NRXN1: variants seen among roughly 807,000 people sequenced by gnomAD.
NRXN1 encodes neurexin-1.
A neutral mutation model predicts 150.9 loss-of-function variants in NRXN1; 39 were observed. The ratio of observed to expected loss-of-function variants is 0.26; its 90% CI spans 0.20 to 0.34. The LOEUF (loss-of-function observed/expected upper bound fraction) is 0.34. Among genes scored for constraint, NRXN1 ranks in the 10% least tolerant of loss-of-function variants. The pLI is 1.00. For missense variants in NRXN1, 1,815 were observed against 1,949.9 expected (o/e 0.93, Z 1.30); for synonymous variants, 924 against 757.0 (o/e 1.22, Z -3.62).
At chr2:50,453,284 T>A (rs1172664726) in intron 17 of NRXN1, among the ~76,000 whole-genome samples, 2 of 152,148 alleles carry the variant, frequency 1.3e-5, no homozygotes, top group East Asian at 1.9e-4. Context: ...GTTCAGGAGG[T>A]CTGGGGTGAG....
Position 50,620,652 on chromosome 2 carries a change from T to C in NRXN1, c.1159-469A>G, listed in dbSNP as rs138099779. On this transcript the variant is annotated intron_variant, in intron 7 of 22. Coordinates refer to ENST00000401669, the MANE Select transcript of NRXN1 (RefSeq NM_001330078.2). The stretch of plus-strand genomic sequence containing the variant: ...CACTATTTGCACTATTGAGCAGCAA[T>C]TGTTCAGCATGCAAGTGCCTAAGTC... Among the ~76,000 whole-genome samples, 1,293 of 152,204 alleles carry C rather than the reference T, an allele frequency of 8.5e-3. 10 individuals are homozygous for C. Among genetic ancestry groups the C allele is most frequent in the Admixed American group, 0.013 (193 of 15,278 alleles).
chr2:50,960,195 G>A (rs930459622), intron 2 of NRXN1, among the ~76,000 whole-genome samples: 6 of 151,788 alleles, frequency 4.0e-5, no homozygotes, highest in South Asian at 2.1e-4. Context: ...AAAGGTTAGC[G>A]AGAAAGAGAA....
rs115255034 is a variant in NRXN1 at position 50,192,295 on chromosome 2, A to T, written c.3546+44494T>A. The stretch of plus-strand genomic sequence containing the variant: ...ATTATAGTATCATTTTCTTTAAAGC[A>T]TGAAATGCATCTTTTAAAATATTGA... On this transcript the variant is annotated intron_variant, in intron 18 of 22. Coordinates refer to ENST00000401669, the MANE Select transcript of NRXN1 (RefSeq NM_001330078.2). Among the ~76,000 whole-genome samples the T allele has an allele frequency of 8.2e-3, 1,244 of 152,296 alleles. 24 individuals carry two copies. Among genetic ancestry groups the T allele is most frequent in the African/African-American group, 0.028 (1,177 of 41,574 alleles).
intron 21 of NRXN1, among the ~76,000 whole-genome samples, chr2:49,990,378 T>G (rs780349066): frequency 5.3e-5 from 8 of 152,098 alleles, no homozygotes; most frequent in Non-Finnish European, 1.2e-4. Flanking sequence ...GGTGGCCAGA[T>G]GGAAGTTGTG....
At chr2:50,658,515 T>C (rs1686834280) in intron 5 of NRXN1, among the ~76,000 whole-genome samples, 2 of 151,756 alleles carry the variant, frequency 1.3e-5, no homozygotes, top group African/African-American at 4.8e-5. Context: ...TCTAGAAATA[T>C]AATTGTCACT....
intron 8 of NRXN1, among the ~76,000 whole-genome samples, chr2:50,572,385 T>C (rs1389629925): frequency 1.3e-5 from 2 of 152,250 alleles, no homozygotes; most frequent in Non-Finnish European, 2.9e-5. Context: ...TTTTTTAATG[T>C]CTGATCTAGC....
At chr2:50,215,566 T>C (rs183194673) in intron 18 of NRXN1, among the ~76,000 whole-genome samples, 3 of 152,042 alleles carry the variant, frequency 2.0e-5, no homozygotes, top group Non-Finnish European at 4.4e-5. Flanking sequence ...ATCCTTTTAT[T>C]AGTCATGCCA....
chr2:50,551,055 A>AGG (rs1202802757), intron 9 of NRXN1, among the ~76,000 whole-genome samples: 16 of 129,142 alleles, frequency 1.2e-4, no homozygotes, highest in East Asian at 7.3e-4. Context: ...GAAGAGGAAG[A>AGG]AGAAGAAGAA....
intron 21 of NRXN1, among the ~76,000 whole-genome samples, chr2:50,017,384 G>A (rs1352267590): frequency 6.6e-6 from 1 of 152,108 alleles, no homozygotes; most frequent in Non-Finnish European, 1.5e-5. Flanking sequence ...CATGAAAATG[G>A]CACTGTAACA....
At chr2:50,650,706 G>A (rs1685490024) in intron 5 of NRXN1, among the ~76,000 whole-genome samples, 2 of 151,912 alleles carry the variant, frequency 1.3e-5, no homozygotes, top group South Asian at 4.1e-4. Flanking sequence ...TAGAATACTT[G>A]CTAATACAAG....
chr2:50,195,949 GTTTGT>G (rs1272544223), intron 18 of NRXN1, among the ~76,000 whole-genome samples: 1 of 151,756 alleles, frequency 6.6e-6, no homozygotes, highest in Non-Finnish European at 1.5e-5. Context: ...TTCTTTTTTG[GTTTGT>G]TTTATTTTTT....
intron 17 of NRXN1, among the ~76,000 whole-genome samples, chr2:50,374,763 T>C (rs574234582): frequency 3.5e-4 from 54 of 152,320 alleles, no homozygotes; most frequent in African/African-American, 1.2e-3. Flanking sequence ...TCCTACACAA[T>C]ATTTTAAAGT....
At chr2:50,422,113 T>A (rs2084044818) in intron 17 of NRXN1, among the ~76,000 whole-genome samples, 1 of 152,184 alleles carries the variant, frequency 6.6e-6, no homozygotes, top group South Asian at 2.1e-4. Context: ...AGAAATATCA[T>A]GTTAAACTTG....
chr2:50,256,913 A>G (rs956383594), intron 17 of NRXN1, among the ~76,000 whole-genome samples: 1 of 152,096 alleles, frequency 6.6e-6, no homozygotes, highest in Non-Finnish European at 1.5e-5. Flanking sequence ...GAACTGTACA[A>G]TCCTATCCTA....
chr2:50,396,850 G>A (rs1488943962), intron 17 of NRXN1, among the ~76,000 whole-genome samples: 1 of 152,082 alleles, frequency 6.6e-6, no homozygotes, highest in Non-Finnish European at 1.5e-5. Flanking sequence ...TCCAGAGCAG[G>A]TTTCTCAACA....
chr2:50,281,289 C>A (rs2071423141), intron 17 of NRXN1, among the ~76,000 whole-genome samples: 2 of 151,210 alleles, frequency 1.3e-5, no homozygotes, highest in Non-Finnish European at 1.5e-5. Context: ...TGCACTCCAG[C>A]CTCGGTGACA....
intron 21 of NRXN1, among the ~76,000 whole-genome samples, chr2:50,002,002 G>A (rs541413238): frequency 6.6e-6 from 1 of 151,982 alleles, no homozygotes; most frequent in Non-Finnish European, 1.5e-5. Flanking sequence ...CAGCCTCTAA[G>A]AGTTGAGGGC....
At chr2:50,417,907 G>A (rs766701905) in intron 17 of NRXN1, among the ~76,000 whole-genome samples, 2 of 151,992 alleles carry the variant, frequency 1.3e-5, no homozygotes, top group Non-Finnish European at 2.9e-5. Context: ...GCACAGATAA[G>A]AAGGCTAAAA....
intron 5 of NRXN1, among the ~76,000 whole-genome samples, chr2:50,736,987 G>C (rs1698836432): frequency 6.6e-6 from 1 of 152,166 alleles, no homozygotes; most frequent in Non-Finnish European, 1.5e-5. Context: ...ACCAGGCATG[G>C]TGGTGCATGC....
Sources: gnomAD v4.1 joint callset for allele counts (sites outside exome capture counted in the v4.1 genomes callset) on GRCh38, gnomAD v4.1.1 for gene constraint, MANE v1.5 for transcripts, NCBI Gene and HGNC (gene_info 2026-07-23, HGNC 2026-07-21) for gene names.